The following PRR16 variants were observed in gnomAD, a reference collection of about 807,000 sequenced individuals.
The protein encoded by PRR16 is protein Largen.
PRR16 carries 6 observed loss-of-function variants against 18.2 expected under a neutral mutation model. That is an observed-to-expected ratio of 0.33 (90% CI 0.18 to 0.65). PRR16 has a LOEUF of 0.65. Ranked by LOEUF, PRR16 falls within the 30% of genes least tolerant of loss-of-function variation. The pLI, the probability that PRR16 is intolerant of heterozygous loss-of-function variation, is 0.74. For synonymous variants in PRR16, 151 were observed against 147.8 expected, an observed-to-expected ratio of 1.02 and a Z score of -0.16; for missense variants, 412 against 376.6, an observed-to-expected ratio of 1.09 and a Z score of -0.78.
At chr5:120,683,740 A>T (rs1462840565) in intron 1 of PRR16, among the ~76,000 whole-genome samples, 1 of 152,168 alleles carries the variant, frequency 6.6e-6, no homozygotes, top group Non-Finnish European at 1.5e-5. Flanking sequence ...ATTTTACACA[A>T]AACCTTTCAA....
intron 1 of PRR16, among the ~76,000 whole-genome samples, chr5:120,667,135 G>A (rs576031474): frequency 4.6e-5 from 7 of 152,248 alleles, no homozygotes; most frequent in South Asian, 2.1e-4. Context: ...CACAATTTCC[G>A]ATCCTGTTAT....
At chr5:120,472,949 CTCT>C (rs1749317313) in intron 1 of PRR16, among the ~76,000 whole-genome samples, 1 of 152,096 alleles carries the variant, frequency 6.6e-6, no homozygotes, top group African/African-American at 2.4e-5. Flanking sequence ...TAAGCATATT[CTCT>C]TCTTAAAACT....
chr5:120,734,769 C>T, the PRR16 span, among the ~76,000 whole-genome samples: 1 of 152,042 alleles, frequency 6.6e-6, no homozygotes, highest in Non-Finnish European at 1.5e-5. Context: ...TTTATCTTCC[C>T]AAGTTTAAAA....
the PRR16 span, among the ~76,000 whole-genome samples, chr5:120,759,222 C>T: frequency 0.04 from 6,037 of 151,976 alleles, 152 homozygotes; most frequent in South Asian, 0.076. Flanking sequence ...ATGATCTGCC[C>T]GCTTCGGCCT....
chr5:120,657,953 A>G (rs185317178), intron 1 of PRR16: 2 of 151,964 alleles, frequency 1.3e-5, no homozygotes, highest in African/African-American at 4.8e-5. Context: ...CCCAACACCA[A>G]CGTGCTATCC....
At chr5:120,522,215 T>G (rs182934113) in intron 1 of PRR16, among the ~76,000 whole-genome samples, 1 of 152,202 alleles carries the variant, frequency 6.6e-6, no homozygotes, top group Admixed American at 6.5e-5. Flanking sequence ...TCAAATGGTA[T>G]TTCTAGTTCT....
intron 1 of PRR16, among the ~76,000 whole-genome samples, chr5:120,465,250 G>T (rs1160958158): frequency 3.9e-5 from 6 of 152,174 alleles, no homozygotes; most frequent in Admixed American, 1.3e-4. Flanking sequence ...CACTTTCTCA[G>T]TTTCTGAAGC....
At chr5:120,740,183 A>T in the PRR16 span, among the ~76,000 whole-genome samples, 1 of 152,166 alleles carries the variant, frequency 6.6e-6, no homozygotes, top group Non-Finnish European at 1.5e-5. Flanking sequence ...ATTTGCACAT[A>T]AGCAGAAATG....
chr5:120,614,818 C>T (rs1754453215), intron 1 of PRR16, among the ~76,000 whole-genome samples: 1 of 152,178 alleles, frequency 6.6e-6, no homozygotes, highest in African/African-American at 2.4e-5. Context: ...CTGGGGGATT[C>T]TGGCAGTACA....
At chr5:120,504,940 A>G (rs1246553487) in intron 1 of PRR16, among the ~76,000 whole-genome samples, 1 of 152,180 alleles carries the variant, frequency 6.6e-6, no homozygotes, top group Non-Finnish European at 1.5e-5. Context: ...TCATGGGAAC[A>G]GGAGGAGGGG....
rs1749016427 is a variant in PRR16 at position 120,464,656 on chromosome 5, C to T, written c.159+11C>T. 2 of 1,548,910 alleles carry T rather than the reference C, an allele frequency of 1.3e-6. No individual in the cohort carries two copies. Among genetic ancestry groups the T allele is most frequent in the African/African-American group, 2.7e-5 (2 of 73,882 alleles). ...AAGGAACTTAAGGAGGTGAGAGGCG[C>T]AGGGGTGGGGAGGGAGTTCGGCACC... On this transcript the variant is annotated intron_variant, in intron 1 of 1. Transcript: ENST00000407149.
At chr5:120,564,421 C>A (rs953924291) in intron 1 of PRR16, among the ~76,000 whole-genome samples, 1 of 152,144 alleles carries the variant, frequency 6.6e-6, no homozygotes, top group Non-Finnish European at 1.5e-5. Flanking sequence ...CCGTGAAACT[C>A]CGACCTTCCG....
intron 1 of PRR16, among the ~76,000 whole-genome samples, chr5:120,510,378 G>T (rs1049483170): frequency 6.6e-6 from 1 of 152,190 alleles, no homozygotes; most frequent in South Asian, 2.1e-4. Flanking sequence ...TATGAGAATG[G>T]ATATGTCTTG....
At chr5:120,716,492 C>A in the PRR16 span, among the ~76,000 whole-genome samples, 2 of 152,266 alleles carry the variant, frequency 1.3e-5, no homozygotes, top group South Asian at 2.1e-4. Flanking sequence ...GTATCACCAG[C>A]CCTAGCCCTT....
At chr5:120,660,153 C>T (rs1756127505) in intron 1 of PRR16, among the ~76,000 whole-genome samples, 1 of 151,968 alleles carries the variant, frequency 6.6e-6, no homozygotes, top group Admixed American at 6.6e-5. Context: ...TTTAGGCAAA[C>T]CAAGAATTTT....
chr5:120,504,990 C>T (rs1339095227), intron 1 of PRR16, among the ~76,000 whole-genome samples: 1 of 152,088 alleles, frequency 6.6e-6, no homozygotes, highest in Admixed American at 6.6e-5. Flanking sequence ...TGTAGCACCT[C>T]TCAGGTTCTT....
chr5:120,563,198 C>A (rs1178830403), intron 1 of PRR16, among the ~76,000 whole-genome samples: 2 of 152,074 alleles, frequency 1.3e-5, no homozygotes, highest in Non-Finnish European at 2.9e-5. Flanking sequence ...AGATCTGAAG[C>A]CAGAAGAGCA....
At chr5:120,522,654 G>A (rs935115155) in intron 1 of PRR16, among the ~76,000 whole-genome samples, 13 of 152,156 alleles carry the variant, frequency 8.5e-5, no homozygotes, top group Non-Finnish European at 1.5e-4. Flanking sequence ...CGCCCAGGCT[G>A]GAGTGCAGTG....
chr5:120,672,238 CTGTGTGTGTGTGTG>C (rs3048020), intron 1 of PRR16, among the ~76,000 whole-genome samples: 34 of 135,114 alleles, frequency 2.5e-4, no homozygotes, highest in African/African-American at 8.8e-4. Flanking sequence ...GGTGAGGGGT[CTGTGTGTGTGTGTG>C]TGTGTGTGTG....
Sources: allele counts gnomAD v4.1 joint callset (sites outside exome capture counted in the v4.1 genomes callset), GRCh38; gene constraint gnomAD v4.1.1; transcripts MANE v1.5; gene names NCBI Gene and HGNC (gene_info 2026-07-23, HGNC 2026-07-21).